RPS6KC1: variants seen among roughly 807,000 people sequenced by gnomAD.
RPS6KC1 encodes ribosomal protein S6 kinase C1, also known as inactive ribosomal protein S6 kinase delta-1.
In RPS6KC1, 54 loss-of-function variants were observed where a neutral mutation model predicts 103.8. That is an observed-to-expected ratio of 0.52 (90% CI 0.42 to 0.65). RPS6KC1 has a LOEUF of 0.65. Among genes scored for constraint, RPS6KC1 ranks in the 30% least tolerant of loss-of-function variants. The pLI is 0.00. For missense variants in RPS6KC1, 1,151 were observed against 1,253.8 expected (o/e 0.92, Z 1.24); for synonymous variants, 439 against 438.7 (o/e 1.00, Z -0.01).
At chr1:213,062,172 AC>A (rs1382435916) in intron 1 of RPS6KC1, among the ~76,000 whole-genome samples, 9 of 152,158 alleles carry the variant, frequency 5.9e-5, no homozygotes, top group African/African-American at 2.2e-4. Flanking sequence ...AAAATCTAAA[AC>A]TTTTTGAGTG....
At chr1:213,111,274 G>A (rs1297984985) in intron 4 of RPS6KC1, among the ~76,000 whole-genome samples, 2 of 152,048 alleles carry the variant, frequency 1.3e-5, no homozygotes, top group Non-Finnish European at 2.9e-5. Context: ...TATACCAGAA[G>A]TCCTTCCCTG....
At chr1:213,748,401 T>C in the RPS6KC1 span, among the ~76,000 whole-genome samples, 2 of 152,186 alleles carry the variant, frequency 1.3e-5, no homozygotes, top group African/African-American at 2.4e-5. Flanking sequence ...CTGGACATTA[T>C]CAAAAATATA....
chr1:213,538,921 A>G, the RPS6KC1 span, among the ~76,000 whole-genome samples: 2 of 152,190 alleles, frequency 1.3e-5, no homozygotes, highest in African/African-American at 4.8e-5. Context: ...TGACTATTTC[A>G]TCTATACCAC....
the RPS6KC1 span, among the ~76,000 whole-genome samples, chr1:213,381,722 G>T: frequency 6.6e-6 from 1 of 151,700 alleles, no homozygotes; most frequent in Non-Finnish European, 1.5e-5. Context: ...CTAAGTTATT[G>T]CCTGGCAGCT....
chr1:213,516,780 T>C, the RPS6KC1 span, among the ~76,000 whole-genome samples: 1 of 152,230 alleles, frequency 6.6e-6, no homozygotes, highest in Non-Finnish European at 1.5e-5. Flanking sequence ...TTCTATTGAT[T>C]GAAAAAGTTT....
the RPS6KC1 span, among the ~76,000 whole-genome samples, chr1:213,767,144 T>C: frequency 3.9e-5 from 6 of 152,176 alleles, no homozygotes; most frequent in Admixed American, 3.3e-4. Context: ...TAGCTTTATG[T>C]ATCACTTCCC....
chr1:213,051,277 G>GTGGAGCCGCCT lies in RPS6KC1; in HGVS notation c.-120_-110dup, dbSNP rs2076917601. Reference sequence around the variant, plus strand: ...AGAGCTGTGCAGCTGAGGCGCCGCCGTGGAGCCGCCTTGGAGCCACCGCCC... The same window carrying GTGGAGCCGCCT: ...AGAGCTGTGCAGCTGAGGCGCCGCCGTGGAGCCGCCTTGGAGCCGCCTTGGAGCCACCGCCC... On this transcript the variant is annotated 5_prime_UTR_variant, in exon 1 of 15. Coordinates refer to ENST00000366960, the MANE Select transcript of RPS6KC1 (RefSeq NM_012424.6). 2 of 652,718 alleles carry GTGGAGCCGCCT rather than the reference G, an allele frequency of 3.1e-6. No individual in the cohort carries two copies. The highest frequency in any genetic ancestry group is 1.9e-5 in the African/African-American group (1 of 54,052). The allele number at this position is 652,718 out of a possible 1,614,324, so 40.4% of individuals were successfully genotyped here.
At chr1:213,551,341 C>A in the RPS6KC1 span, among the ~76,000 whole-genome samples, 2 of 152,056 alleles carry the variant, frequency 1.3e-5, no homozygotes, top group South Asian at 2.1e-4. Context: ...TCAGCCCAGA[C>A]AAAAGGGGGA....
chr1:213,541,227 C>T, the RPS6KC1 span, among the ~76,000 whole-genome samples: 23 of 75,816 alleles, frequency 3.0e-4, 1 homozygote, highest in African/African-American at 9.6e-4. Flanking sequence ...CACAACATTT[C>T]GCGATTAAGT....
the RPS6KC1 span, among the ~76,000 whole-genome samples, chr1:213,325,389 A>T: frequency 6.6e-6 from 1 of 152,178 alleles, no homozygotes; most frequent in East Asian, 1.9e-4. Context: ...GTTGGCTGTA[A>T]CCTGCAGAAA....
At chr1:213,200,685 A>G (rs1037345454) in intron 8 of RPS6KC1, among the ~76,000 whole-genome samples, 4 of 152,162 alleles carry the variant, frequency 2.6e-5, no homozygotes, top group Admixed American at 1.3e-4. Context: ...AAAAGAAACT[A>G]TCAACAAACA....
chr1:213,511,920 T>A, the RPS6KC1 span, among the ~76,000 whole-genome samples: 1 of 152,208 alleles, frequency 6.6e-6, no homozygotes, highest in South Asian at 2.1e-4. Flanking sequence ...ATAAGCTCCA[T>A]AAATGGTACA....
chr1:213,810,677 TCTA>T, the RPS6KC1 span, among the ~76,000 whole-genome samples: 3 of 152,226 alleles, frequency 2.0e-5, no homozygotes, highest in Non-Finnish European at 4.4e-5. Flanking sequence ...AATTATAATA[TCTA>T]CTCCAACCAC....
the RPS6KC1 span, among the ~76,000 whole-genome samples, chr1:213,565,108 G>A: frequency 1.3e-5 from 2 of 152,116 alleles, no homozygotes; most frequent in Non-Finnish European, 1.5e-5. Context: ...CACCAGAAAG[G>A]TTAAATTTTG....
At chr1:213,757,313 T>C in the RPS6KC1 span, among the ~76,000 whole-genome samples, 1 of 152,154 alleles carries the variant, frequency 6.6e-6, no homozygotes, top group Non-Finnish European at 1.5e-5. Context: ...AGAAAATTTC[T>C]TAAAGGAAAT....
At chr1:213,861,226 C>T in the RPS6KC1 span, among the ~76,000 whole-genome samples, 1 of 152,132 alleles carries the variant, frequency 6.6e-6, no homozygotes, top group Non-Finnish European at 1.5e-5. Flanking sequence ...CAGAGTGGGC[C>T]TTAAATCTGC....
At chr1:213,411,034 C>T in the RPS6KC1 span, among the ~76,000 whole-genome samples, 1 of 151,716 alleles carries the variant, frequency 6.6e-6, no homozygotes, top group Non-Finnish European at 1.5e-5. Context: ...GATGGCAGGA[C>T]CAGGATGGAG....
the RPS6KC1 span, among the ~76,000 whole-genome samples, chr1:213,860,679 G>A: frequency 5.3e-5 from 8 of 152,180 alleles, no homozygotes; most frequent in Non-Finnish European, 1.0e-4. Context: ...AAGGAGTGAT[G>A]TTTAGGCTAA....
chr1:213,519,422 C>T, the RPS6KC1 span, among the ~76,000 whole-genome samples: 1 of 152,090 alleles, frequency 6.6e-6, no homozygotes, highest in South Asian at 2.1e-4. Flanking sequence ...TTCAGATTCA[C>T]TGGGGGGAAA....
Sources: gnomAD v4.1 joint callset for allele counts (sites outside exome capture counted in the v4.1 genomes callset) on GRCh38, gnomAD v4.1.1 for gene constraint, MANE v1.5 for transcripts, NCBI Gene and HGNC (gene_info 2026-07-23, HGNC 2026-07-21) for gene names.